FBLN7: variants seen among roughly 807,000 people sequenced by gnomAD.
The protein encoded by FBLN7 is fibulin 7.
In FBLN7, 31 loss-of-function variants were observed where a neutral mutation model predicts 44.0. The observed-to-expected ratio is 0.70, with a 90% confidence interval of 0.53 to 0.95. The LOEUF (loss-of-function observed/expected upper bound fraction) is 0.95, where lower values mean the gene tolerates loss of function less well. Ranked by LOEUF, FBLN7 falls within the 40% of genes least tolerant of loss-of-function variation. The pLI, the probability that FBLN7 is intolerant of heterozygous loss-of-function variation, is 0.00. For synonymous variants in FBLN7, 262 were observed against 253.4 expected, an observed-to-expected ratio of 1.03 and a Z score of -0.32; for missense variants, 573 against 618.5, an observed-to-expected ratio of 0.93 and a Z score of 0.78.
At position 112,182,770 on chromosome 2, in the gene FBLN7, A is replaced by G. The variant is rs1683067439; in HGVS notation, c.671-21A>G. The G allele has an allele frequency of 3.8e-6, 6 of 1,574,906 alleles. No homozygotes were observed. The South Asian group carries it at 7.0e-5, about 18-fold the overall frequency. ...CTTGCTGCATGGCTCCTAAAGTCACAGTGAGCACTTCTGTCTGCAGACGTG... is the reference window on the plus strand; with the variant it reads ...CTTGCTGCATGGCTCCTAAAGTCACGGTGAGCACTTCTGTCTGCAGACGTG... On this transcript the variant is annotated intron_variant, in intron 5 of 7. Coordinates refer to ENST00000331203, the MANE Select transcript of FBLN7 (RefSeq NM_153214.3).
At chr2:112,167,044 T>C (rs1682196845) in intron 3 of FBLN7, among the ~76,000 whole-genome samples, 3 of 152,244 alleles carry the variant, frequency 2.0e-5, no homozygotes. Context: ...AACTGAGCAC[T>C]GCCTGCCACT....
intron 1 of FBLN7, among the ~76,000 whole-genome samples, chr2:112,144,348 C>G (rs747446314): frequency 3.2e-4 from 48 of 152,110 alleles, no homozygotes; most frequent in Admixed American, 2.6e-4. Context: ...GAAAATCATT[C>G]AGATTTGCTT....
the FBLN7 span, among the ~76,000 whole-genome samples, chr2:112,223,569 A>C: frequency 6.6e-6 from 1 of 152,166 alleles, no homozygotes; most frequent in Middle Eastern, 3.2e-3. Context: ...AAGAATATTT[A>C]ATTTAAAAAA....
chr2:112,138,916 G>T (rs554563691), intron 1 of FBLN7, among the ~76,000 whole-genome samples, 186 bp downstream of exon 1: 8 of 124,890 alleles, frequency 6.4e-5, no homozygotes, highest in African/African-American at 1.9e-4. Context: ...CCCCTGTCCC[G>T]CGCGCCTCTC....
chr2:112,182,994 T>C, intron 6 of FBLN7, 66 bp downstream of exon 6: 2 of 1,580,838 alleles, frequency 1.3e-6, no homozygotes, highest in East Asian at 2.3e-5. Flanking sequence ...CCCCAGGACC[T>C]CACAGTCGGG....
chr2:112,183,088 C>A (rs1466807378), intron 6 of FBLN7, among the ~76,000 whole-genome samples, 160 bp downstream of exon 6: 1 of 152,232 alleles, frequency 6.6e-6, no homozygotes, highest in African/African-American at 2.4e-5. Flanking sequence ...AAAGGTCAGG[C>A]CACATTATCA....
In FBLN7 at chr2:112,142,881, A is replaced by G. The variant is rs536231094; in HGVS notation, c.75+4151A>G. On this transcript the variant is annotated intron_variant, in intron 1 of 7. Transcript: ENST00000331203. ...TGCATCTGTCTGCGTGAGTGATTGT[A>G]TGTGTGATGGTAAGTGTATGTGTGT... Among the ~76,000 whole-genome samples the G allele has an allele frequency of 4.6e-5, 7 of 151,006 alleles. No individual in the cohort carries two copies. The East Asian group carries it at 1.4e-3, about 30-fold the overall frequency.
At chr2:112,175,877 C>T (rs751547908) in intron 4 of FBLN7, 38 bp downstream of exon 4, 1 of 1,604,454 alleles carries the variant, frequency 6.2e-7, no homozygotes, top group African/African-American at 1.3e-5. Flanking sequence ...GGACATCCTG[C>T]TGTGGGGAGA....
chr2:112,167,435 G>C (rs190612725), intron 3 of FBLN7, among the ~76,000 whole-genome samples: 1 of 152,120 alleles, frequency 6.6e-6, no homozygotes, highest in Admixed American at 6.5e-5. Context: ...GTGTGTCCAC[G>C]AGCTTCCTTC....
chr2:112,192,094 C>T (rs1387441858), downstream of FBLN7, among the ~76,000 whole-genome samples: 4 of 152,174 alleles, frequency 2.6e-5, no homozygotes, highest in African/African-American at 4.8e-5. Flanking sequence ...AGTATGTTTT[C>T]CATTGTAATG....
chr2:112,201,722 T>G, the FBLN7 span, among the ~76,000 whole-genome samples: 1 of 152,200 alleles, frequency 6.6e-6, no homozygotes, highest in South Asian at 2.1e-4. Flanking sequence ...GCATTCAGTC[T>G]CTGAGATAAT....
At chr2:112,164,693 G>A (rs1573799446) in intron 2 of FBLN7, among the ~76,000 whole-genome samples, 5 of 152,238 alleles carry the variant, frequency 3.3e-5, no homozygotes, top group Admixed American at 3.3e-4. Flanking sequence ...ATCAGAGTGA[G>A]TAGGTGGCAG....
rs1328476283 is a variant in FBLN7 at position 112,171,569 on chromosome 2, A to C, written c.407-4145A>C. On this transcript the variant is annotated intron_variant, in intron 3 of 7. Coordinates refer to ENST00000331203, the MANE Select transcript of FBLN7 (RefSeq NM_153214.3). ...TATAGTAGACACTCAATAAATAGTT[A>C]CTGAGTAACTGACTGGCTGGCTGAT... Among the ~76,000 whole-genome samples, 6 of 152,188 alleles carry C rather than the reference A, an allele frequency of 3.9e-5. No individual in the cohort carries two copies. In the East Asian group the frequency reaches 1.2e-3, roughly 29 times the overall value.
chr2:112,188,315 A>T (rs1188586971), downstream of FBLN7: 2 of 152,244 alleles, frequency 1.3e-5, no homozygotes, highest in Non-Finnish European at 2.9e-5. Context: ...GGAATAAATG[A>T]GTCAGAGAAC....
At chr2:112,155,152 T>C (rs1681349799) in intron 1 of FBLN7, among the ~76,000 whole-genome samples, 1 of 152,214 alleles carries the variant, frequency 6.6e-6, no homozygotes, top group Non-Finnish European at 1.5e-5. Flanking sequence ...ATGATAAAGC[T>C]TTCTCAGCTT....
intron 1 of FBLN7, among the ~76,000 whole-genome samples, chr2:112,157,910 T>TC (rs1437205388): frequency 2.7e-5 from 4 of 148,200 alleles, no homozygotes; most frequent in Non-Finnish European, 6.0e-5. Flanking sequence ...TTCTTTTTTT[T>TC]TTTTTTGAGA....
intron 4 of FBLN7, 92 bp from the exon 5 acceptor site, chr2:112,181,647 C>T: frequency 7.6e-7 from 1 of 1,314,032 alleles, no homozygotes; most frequent in Admixed American, 4.1e-5. Flanking sequence ...GGGGCCGTGC[C>T]TCCGTCTTGG....
chr2:112,238,692 C>A, the FBLN7 span: 272 of 469,912 alleles, frequency 5.8e-4, no homozygotes, highest in South Asian at 9.3e-3. Context: ...TTGAAAATTT[C>A]CAGAATTAAA....
Position 112,182,832 on chromosome 2 carries a change from C to T in FBLN7, c.712C>T (p.Arg238Trp), listed in dbSNP as rs756863178. 1.9e-5 allele frequency: 31 copies of T among 1,611,036 alleles called. No homozygotes were observed. The East Asian group carries it at 4.2e-4, about 22-fold the overall frequency. ...GCTCTACGGGCAGGAGGGGCGCCCC[C>T]GGCTCTGCATGCACGCCTGCGTGAA... ...CELYGQEGRP[R>W]LCMHACVNTP... Residue 238 changes from arginine to tryptophan, a missense_variant, in exon 6 of 8, where the codon CGG becomes TGG. By Grantham distance (101) the Arg-to-Trp change is moderately radical (BLOSUM62 -3). Transcript: ENST00000331203.
Sources: allele counts gnomAD v4.1 joint callset (sites outside exome capture counted in the v4.1 genomes callset), GRCh38; gene constraint gnomAD v4.1.1; transcripts MANE v1.5; gene names NCBI Gene and HGNC (gene_info 2026-07-23, HGNC 2026-07-21).